Variants in EML1 observed in about 807,000 individuals in gnomAD.
The protein encoded by EML1 is EMAP like 1.
Under a neutral mutation model 110.4 loss-of-function variants are expected in EML1, and 27 were observed. The ratio of observed to expected loss-of-function variants is 0.24; its 90% CI spans 0.18 to 0.34. The LOEUF (loss-of-function observed/expected upper bound fraction) is 0.34, where lower values mean the gene tolerates loss of function less well. Ranked by LOEUF, EML1 falls within the 10% of genes least tolerant of loss-of-function variation. EML1 has a pLI of 1.00. For synonymous variants in EML1, 344 were observed against 385.8 expected (o/e 0.89, Z 1.27); for missense variants, 741 against 1,030.9 (o/e 0.72, Z 3.85).
In EML1 at chr14:99,905,669, G is replaced by A. The variant is rs989905298; in HGVS notation, c.1009-1969G>A. On this transcript the variant is annotated intron_variant, in intron 9 of 21. Coordinates refer to ENST00000262233, the MANE Select transcript of EML1 (RefSeq NM_004434.3). This position sits in a 1 kb window ranked among gnomAD's most constrained non-coding sequence, Gnocchi z 4.1. ...CTTAGCCATCAGCAAAGAGTGCAAG[G>A]CAGATAAACCCAAAGATGATAATAG... Among the ~76,000 whole-genome samples, 29 of 152,172 alleles carry A rather than the reference G, an allele frequency of 1.9e-4. No homozygotes were observed. The highest frequency in any genetic ancestry group is 6.5e-4 in the African/African-American group (27 of 41,444).
chr14:99,876,991 G>T lies in EML1; in HGVS notation c.384-1494G>T, dbSNP rs551631445. 3.9e-5 allele frequency among the ~76,000 whole-genome samples: 6 copies of T among 152,318 alleles called. No individual in the cohort carries two copies. In the South Asian group the frequency reaches 1.2e-3, roughly 32 times the overall value. On this transcript the variant is annotated intron_variant, in intron 3 of 21. Coordinates refer to ENST00000262233, the MANE Select transcript of EML1 (RefSeq NM_004434.3). ...ATGTAGATTTTTAAGTATGTACAGA[G>T]ATACCTATACTAGAGTTATGTGCTC... is the stretch of plus-strand genomic sequence containing the variant.
At chr14:99,823,804 A>G (rs1290044437) in intron 1 of EML1, among the ~76,000 whole-genome samples, 1 of 152,170 alleles carries the variant, frequency 6.6e-6, no homozygotes, top group Non-Finnish European at 1.5e-5. Flanking sequence ...CAGAGTGTGT[A>G]GCCTGGCTGT....
At position 99,843,010 on chromosome 14, in the gene EML1, TTGAGACGC is replaced by T. The variant is rs576037555; in HGVS notation, c.68-7838_68-7831del. On this transcript the variant is annotated intron_variant, in intron 1 of 21. Transcript: ENST00000262233. ...CTCATGCCTGTGTAATCCCAGCACT[TTGAGACGC>T]TGAGGCAGGATAATCGCTTGAGGCT... 4.9e-4 allele frequency among the ~76,000 whole-genome samples: 74 copies of T among 152,298 alleles called. 3 individuals are homozygous for T. In the South Asian group the frequency reaches 0.015, roughly 31 times the overall value.
At chr14:99,868,049 T>TTCA (rs2059131735) in intron 3 of EML1, among the ~76,000 whole-genome samples, 4 of 152,220 alleles carry the variant, frequency 2.6e-5, no homozygotes, top group Non-Finnish European at 5.9e-5. Flanking sequence ...TTTTGTCAAA[T>TTCA]GCTTTTTCTG....
At chr14:99,852,673 T>G (rs1489532365) in intron 2 of EML1, among the ~76,000 whole-genome samples, 1 of 152,236 alleles carries the variant, frequency 6.6e-6, no homozygotes, top group Non-Finnish European at 1.5e-5. Flanking sequence ...TCACAGTTAA[T>G]GTGTATTTTC....
intron 1 of EML1, among the ~76,000 whole-genome samples, chr14:99,742,727 A>G (rs1175546943): frequency 1.3e-5 from 2 of 152,044 alleles, no homozygotes; most frequent in Non-Finnish European, 2.9e-5. Context: ...GTAAGATCCG[A>G]GCCCCATGTG....
At chr14:99,890,184 A>G (rs2059562883) in intron 4 of EML1, among the ~76,000 whole-genome samples, 2 of 152,200 alleles carry the variant, frequency 1.3e-5, no homozygotes, top group African/African-American at 2.4e-5. Context: ...TTAAGGCACT[A>G]TGGTGCCTTA....
intron 1 of EML1, among the ~76,000 whole-genome samples, chr14:99,776,512 A>C (rs996416519): frequency 1.3e-5 from 2 of 152,086 alleles, no homozygotes; most frequent in Non-Finnish European, 2.9e-5. Context: ...TCAAAAAAAA[A>C]AAAACAAAAC....
chr14:99,873,715 G>A (rs910637793), intron 3 of EML1, among the ~76,000 whole-genome samples: 1 of 152,216 alleles, frequency 6.6e-6, no homozygotes, highest in Admixed American at 6.5e-5. Context: ...CCTGAAAAAT[G>A]ACTTGGATTT....
At chr14:99,868,569 T>C (rs2059141825) in intron 3 of EML1, among the ~76,000 whole-genome samples, 1 of 152,168 alleles carries the variant, frequency 6.6e-6, no homozygotes, top group African/African-American at 2.4e-5. Flanking sequence ...GACTTATCCA[T>C]TTGCTCTAGG....
chr14:99,783,636 C>T (rs1485976558), intron 1 of EML1, among the ~76,000 whole-genome samples: 1 of 151,942 alleles, frequency 6.6e-6, no homozygotes, highest in Admixed American at 6.6e-5. Flanking sequence ...AGGTGTGGGC[C>T]TCCATGCCCG....
intron 3 of EML1, among the ~76,000 whole-genome samples, chr14:99,868,663 T>C (rs751276886): frequency 2.0e-5 from 3 of 152,174 alleles, no homozygotes; most frequent in Non-Finnish European, 4.4e-5. Context: ...TAATGTCCTT[T>C]CATTTCTAAT....
At chr14:99,760,536 T>C (rs2057304518) in intron 1 of EML1, among the ~76,000 whole-genome samples, 1 of 152,354 alleles carries the variant, frequency 6.6e-6, no homozygotes, top group Middle Eastern at 3.4e-3. Context: ...AAACGACTTT[T>C]AGACTTTCAT....
chr14:99,827,043 G>A lies in EML1; in HGVS notation c.68-23810G>A, dbSNP rs533325525. On this transcript the variant is annotated intron_variant, in intron 1 of 21. Coordinates refer to ENST00000262233, the MANE Select transcript of EML1 (RefSeq NM_004434.3). This position sits in a 1 kb window ranked among gnomAD's most constrained non-coding sequence, Gnocchi z 4.4. ...CTAAGTGCTGAATAAATACAGCAGT[G>A]CTGCAGGCAGTCCCAGGGAGCCAGT... Among the ~76,000 whole-genome samples the A allele has an allele frequency of 1.6e-4, 25 of 152,294 alleles. No individual in the cohort carries two copies. Among genetic ancestry groups the A allele is most frequent in the Admixed American group, 1.2e-3 (18 of 15,304 alleles).
At chr14:99,923,579 C>A (rs117955954) in intron 17 of EML1, among the ~76,000 whole-genome samples, 8 of 151,422 alleles carry the variant, frequency 5.3e-5, no homozygotes, top group Admixed American at 3.4e-4. Flanking sequence ...ATCAATGACA[C>A]TTTTGTCAAA....
At chr14:99,843,583 A>G (rs71422788) in intron 1 of EML1, among the ~76,000 whole-genome samples, 44 of 152,248 alleles carry the variant, frequency 2.9e-4, no homozygotes, top group Non-Finnish European at 5.3e-4. Flanking sequence ...ATAGAGGCAG[A>G]TAGAGATTAA....
intron 15 of EML1, 21 bp downstream of exon 15, chr14:99,914,718 T>C (rs1176926628): frequency 1.3e-6 from 2 of 1,589,008 alleles, no homozygotes; most frequent in African/African-American, 2.7e-5. Flanking sequence ...ACATTACATT[T>C]CCATTTTTCT....
At chr14:99,933,921 C>G (rs1292628310) in intron 17 of EML1, among the ~76,000 whole-genome samples, 2 of 152,034 alleles carry the variant, frequency 1.3e-5, no homozygotes, top group Non-Finnish European at 2.9e-5. Context: ...ATGGTAAAAC[C>G]CCGTCTCTAC....
At chr14:99,889,795 C>G (rs988048213) in intron 4 of EML1, among the ~76,000 whole-genome samples, 2 of 152,202 alleles carry the variant, frequency 1.3e-5, no homozygotes, top group African/African-American at 4.8e-5. Flanking sequence ...ATGTAAGACC[C>G]AGGCTTTCAG....
Sources: gnomAD v4.1 joint callset for allele counts (sites outside exome capture counted in the v4.1 genomes callset) on GRCh38, gnomAD v4.1.1 for gene constraint, Gnocchi (gnomAD v3.1) non-coding constraint, MANE v1.5 for transcripts, NCBI Gene and HGNC (gene_info 2026-07-23, HGNC 2026-07-21) for gene names.